Variants in TTLL5 observed in about 807,000 individuals in gnomAD.
TTLL5 encodes the protein tubulin tyrosine ligase like 5.
Under a neutral mutation model 168.4 loss-of-function variants are expected in TTLL5, and 132 were observed. The observed-to-expected ratio is 0.78, with a 90% CI of 0.68 to 0.91. The LOEUF (loss-of-function observed/expected upper bound fraction) is 0.91. TTLL5 is among the 40% of genes least tolerant of loss of function. The pLI, the probability that TTLL5 is intolerant of heterozygous loss-of-function variation, is 0.00. For synonymous variants in TTLL5, 546 were observed against 558.6 expected (o/e 0.98, Z 0.32); for missense variants, 1,545 against 1,581.5 (o/e 0.98, Z 0.39).
At chr14:75,922,428 G>A (rs1418772014) in intron 31 of TTLL5, among the ~76,000 whole-genome samples, 4 of 152,136 alleles carry the variant, frequency 2.6e-5, no homozygotes, top group Middle Eastern at 3.2e-3. Flanking sequence ...CTTATTGAGT[G>A]TTTTTAGCAT....
rs758786838 is a variant in TTLL5, at chr14:75,863,671, C to T, written c.3331C>T (p.Leu1111=). Residue 1111 remains leucine, a synonymous_variant, in exon 29 of 32, where the codon CTG becomes TTG. Coordinates refer to ENST00000298832, the MANE Select transcript of TTLL5 (RefSeq NM_015072.5). ...CCTGCTTGCTTTTCTCTTCAGGAGCCTGCAGACAGGGGGATTTGCCTGGGA... is the reference window on the plus strand; with the variant it reads ...CCTGCTTGCTTTTCTCTTCAGGAGCTTGCAGACAGGGGGATTTGCCTGGGA... The part of the protein sequence containing the change: ...NHSSSPGSRS[L]QTGGFAWEGE... The T allele has an allele frequency of 3.9e-5, 62 of 1,607,766 alleles. No individual in the cohort carries two copies. The South Asian group carries it at 5.8e-4, about 15-fold the overall frequency.
intron 31 of TTLL5, chr14:75,902,725 C>T (rs149319286): frequency 3.1e-4 from 130 of 420,408 alleles, no homozygotes; most frequent in African/African-American, 2.6e-3. Context: ...TTACTGACAG[C>T]CTGAAGCCTC....
At chr14:75,820,904 G>A (rs175883) in intron 28 of TTLL5, 1 of 151,970 alleles carries the variant, frequency 6.6e-6, no homozygotes, top group Non-Finnish European at 1.5e-5. Flanking sequence ...GAATGCGCTA[G>A]AGAGAAATGT....
At chr14:75,798,569 G>T (rs1034035573) in intron 27 of TTLL5, among the ~76,000 whole-genome samples, 28 of 151,944 alleles carry the variant, frequency 1.8e-4, no homozygotes, top group African/African-American at 5.8e-4. Context: ...GTCTATTTGA[G>T]CTCTTTCAGG....
At chr14:75,715,280 T>TC (rs1400023690) in intron 9 of TTLL5, among the ~76,000 whole-genome samples, 11 of 150,182 alleles carry the variant, frequency 7.3e-5, no homozygotes, top group African/African-American at 2.7e-4. Context: ...TTTTTTTTTT[T>TC]TTTTTTGTAA....
intron 31 of TTLL5, among the ~76,000 whole-genome samples, chr14:75,934,631 G>A (rs1180125504): frequency 1.3e-5 from 2 of 152,130 alleles, no homozygotes; most frequent in African/African-American, 4.8e-5. Flanking sequence ...AAGAGGAGGT[G>A]GGGGGAAGGA....
At chr14:75,911,271 G>A (rs1566656892) in intron 31 of TTLL5, among the ~76,000 whole-genome samples, 2 of 152,046 alleles carry the variant, frequency 1.3e-5, no homozygotes, top group East Asian at 3.9e-4. Flanking sequence ...GACCTCAAGC[G>A]ATTTGCCCAC....
At chr14:75,681,295 T>G (rs1302597019) in intron 3 of TTLL5, among the ~76,000 whole-genome samples, 1 of 152,212 alleles carries the variant, frequency 6.6e-6, no homozygotes, top group South Asian at 2.1e-4. Context: ...AAATCTTAAT[T>G]GAAGCCATTG....
At chr14:75,883,852 C>A (rs2031951294) in intron 30 of TTLL5, among the ~76,000 whole-genome samples, 1 of 152,202 alleles carries the variant, frequency 6.6e-6, no homozygotes, top group Non-Finnish European at 1.5e-5. Flanking sequence ...AGGAAGGCTG[C>A]AGTTTGTGGT....
chr14:75,941,119 G>T (rs1484009875), intron 31 of TTLL5, among the ~76,000 whole-genome samples: 2 of 152,232 alleles, frequency 1.3e-5, no homozygotes, highest in Non-Finnish European at 2.9e-5. Flanking sequence ...ATGAGGGCTT[G>T]GTGGTGCTGC....
At chr14:75,753,814 C>G (rs1890094602) in intron 18 of TTLL5, among the ~76,000 whole-genome samples, 1 of 152,158 alleles carries the variant, frequency 6.6e-6, no homozygotes, top group Non-Finnish European at 1.5e-5. Context: ...TTTTCCTCCC[C>G]TCTATGAAAA....
intron 28 of TTLL5, among the ~76,000 whole-genome samples, chr14:75,840,477 A>G (rs1896163884): frequency 6.6e-6 from 1 of 151,488 alleles, no homozygotes; most frequent in Non-Finnish European, 1.5e-5. Context: ...TAGGAGTGAG[A>G]ACATGCGGTG....
chr14:75,881,898 A>G (rs2359983), intron 29 of TTLL5, among the ~76,000 whole-genome samples: 108,626 of 152,048 alleles, frequency 0.71, 39,227 homozygotes, highest in Admixed American at 0.79. Flanking sequence ...TGAAGGAAGA[A>G]TACTTTTACA....
At chr14:75,829,858 T>G (rs147680045) in intron 28 of TTLL5, among the ~76,000 whole-genome samples, 63 of 152,346 alleles carry the variant, frequency 4.1e-4, no homozygotes, top group Middle Eastern at 3.4e-3. Context: ...GTCAAAACAC[T>G]TGGAGTTTCA....
At chr14:75,779,874 A>G (rs1033724969) in intron 24 of TTLL5, among the ~76,000 whole-genome samples, 172 bp downstream of exon 24, 1 of 152,202 alleles carries the variant, frequency 6.6e-6, no homozygotes, top group African/African-American at 2.4e-5. Flanking sequence ...TTGTCCTAAA[A>G]GCAGAAGAAG....
chr14:75,804,038 T>G (rs1192605510), intron 27 of TTLL5, among the ~76,000 whole-genome samples: 1 of 152,184 alleles, frequency 6.6e-6, no homozygotes, highest in African/African-American at 2.4e-5. Flanking sequence ...GGCTCCAGTG[T>G]GAACGAATGT....
intron 2 of TTLL5, among the ~76,000 whole-genome samples, chr14:75,667,535 C>T (rs950999554): frequency 2.6e-5 from 4 of 152,186 alleles, no homozygotes; most frequent in Non-Finnish European, 5.9e-5. Context: ...ACCCTATCAG[C>T]ACCGTTTCTC....
chr14:75,742,679 AGCCACCAC>A (rs1889347448), intron 15 of TTLL5, among the ~76,000 whole-genome samples: 1 of 152,170 alleles, frequency 6.6e-6, no homozygotes, highest in Non-Finnish European at 1.5e-5. Flanking sequence ...TACAGGTGTG[AGCCACCAC>A]ACCAGGCTTT....
chr14:75,954,170 G>T (rs1219876605), intron 31 of TTLL5, among the ~76,000 whole-genome samples: 1 of 150,412 alleles, frequency 6.6e-6, no homozygotes, highest in Non-Finnish European at 1.5e-5. Flanking sequence ...GGAGAATGGT[G>T]TGAACCCGGG....
Sources: gnomAD v4.1 joint callset for allele counts (sites outside exome capture counted in the v4.1 genomes callset) on GRCh38, gnomAD v4.1.1 for gene constraint, MANE v1.5 for transcripts, NCBI Gene and HGNC (gene_info 2026-07-23, HGNC 2026-07-21) for gene names.